Variants in GRK5 observed in about 807,000 individuals in gnomAD.
The protein encoded by GRK5 is G protein-coupled receptor kinase 5.
Under a neutral mutation model 78.4 loss-of-function variants are expected in GRK5, and 40 were observed. The ratio of observed to expected loss-of-function variants is 0.51; its 90% confidence interval spans 0.40 to 0.66. GRK5 has a LOEUF of 0.66. GRK5 is among the 30% of genes least tolerant of loss of function. The pLI is 0.00. For missense variants in GRK5, 598 were observed against 759.9 expected, an observed-to-expected ratio of 0.79 and a Z score of 2.50; for synonymous variants, 289 against 296.8, an observed-to-expected ratio of 0.97 and a Z score of 0.27.
chr10:119,249,140 G>C (rs547253018), intron 1 of GRK5, among the ~76,000 whole-genome samples: 1 of 152,006 alleles, frequency 6.6e-6, no homozygotes, highest in Non-Finnish European at 1.5e-5. Context: ...GCATGGTGGC[G>C]GGTGCCTGTA....
At chr10:119,440,789 G>T (rs1853017079) in intron 10 of GRK5, among the ~76,000 whole-genome samples, 4 of 152,184 alleles carry the variant, frequency 2.6e-5, no homozygotes, top group African/African-American at 4.8e-5. Flanking sequence ...GACCTCAAGT[G>T]ATCTGCCCTC....
In GRK5 at chr10:119,300,344, A is replaced by G. The variant is rs187892233; in HGVS notation, c.53-26172A>G. Among the ~76,000 whole-genome samples, 656 of 152,328 alleles carry G rather than the reference A, an allele frequency of 4.3e-3. 2 individuals are homozygous for G. The highest frequency in any genetic ancestry group is 7.9e-3 in the Non-Finnish European group (537 of 68,032). Reference sequence around the variant, plus strand: ...TGTTACCTTCTAAAGGACTAGCCACAACGTTTGACCCTCAATCTAAGGTCA... The same window carrying G: ...TGTTACCTTCTAAAGGACTAGCCACGACGTTTGACCCTCAATCTAAGGTCA... On this transcript the variant is annotated intron_variant, in intron 1 of 15. Coordinates refer to ENST00000392870, the MANE Select transcript of GRK5 (RefSeq NM_005308.3).
In GRK5 at chr10:119,430,264, T is replaced by TG. The variant is rs1444741003; in HGVS notation, c.534-107dup. 1.5e-5 allele frequency: 14 copies of TG among 908,136 alleles called. No individual in the cohort carries two copies. The Admixed American group carries it at 1.7e-4, about 11-fold the overall frequency. The allele number at this position is 908,136 out of a possible 1,614,324, so 56.3% of individuals were successfully genotyped here. A position where few individuals can be genotyped will look rare whatever the true frequency, so the allele number is the denominator to read the frequency against. On this transcript the variant is annotated intron_variant, in intron 6 of 15. Coordinates refer to ENST00000392870, the MANE Select transcript of GRK5 (RefSeq NM_005308.3). The surrounding 1 kb of genome is among the most constrained non-coding windows in gnomAD (Gnocchi z 4.5). ...TCCTGGGGGGTCCCTGGGGCTGCTG[T>TG]GGGGCTCCTGGAATTATACCCCACC... is the stretch of plus-strand genomic sequence containing the variant.
intron 9 of GRK5, among the ~76,000 whole-genome samples, chr10:119,437,169 C>A (rs564408480): frequency 6.6e-5 from 10 of 152,240 alleles, no homozygotes; most frequent in Non-Finnish European, 1.3e-4. Context: ...GCCTCCATCC[C>A]AGCAGCCAGG....
intron 1 of GRK5, among the ~76,000 whole-genome samples, chr10:119,218,063 T>C (rs553888469): frequency 3.3e-5 from 5 of 150,260 alleles, no homozygotes; most frequent in South Asian, 2.1e-4. Context: ...TTAGAAACCA[T>C]GTCAACCCGT....
At chr10:119,429,722 G>A (rs951442431) in intron 6 of GRK5, among the ~76,000 whole-genome samples, 26 of 152,082 alleles carry the variant, frequency 1.7e-4, no homozygotes, top group African/African-American at 6.0e-4. Flanking sequence ...TCATCTATGT[G>A]GGAAATACAA....
Position 119,430,886 on chromosome 10 carries a change from G to A in GRK5, c.597+448G>A, listed in dbSNP as rs1422105485. 6.6e-6 allele frequency among the ~76,000 whole-genome samples: 1 copy of A among 152,206 alleles called. No homozygotes were observed. The highest frequency in any genetic ancestry group is 1.9e-4 in the East Asian group (1 of 5,194). On this transcript the variant is annotated intron_variant, in intron 7 of 15. Coordinates refer to ENST00000392870, the MANE Select transcript of GRK5 (RefSeq NM_005308.3). This position sits in a 1 kb window ranked among gnomAD's most constrained non-coding sequence, Gnocchi z 4.5. The stretch of plus-strand genomic sequence containing the variant: ...TATTCCCATTTTAGAGATGAGGAAA[G>A]CTGAGGTCCAGAATGGTTAGGTGAC...
At chr10:119,224,412 A>G (rs997788489) in intron 1 of GRK5, among the ~76,000 whole-genome samples, 22 of 151,492 alleles carry the variant, frequency 1.5e-4, no homozygotes, top group African/African-American at 4.1e-4. Context: ...TTATTTATTT[A>G]TTTATTTATT....
At chr10:119,246,666 T>C (rs1173733586) in intron 1 of GRK5, among the ~76,000 whole-genome samples, 1 of 152,216 alleles carries the variant, frequency 6.6e-6, no homozygotes, top group African/African-American at 2.4e-5. Flanking sequence ...CACAATGAGA[T>C]GGCCCAGTTC....
rs1168464265 is a variant in GRK5 at position 119,264,782 on chromosome 10, C to T, written c.52+56813C>T. 6.6e-6 allele frequency among the ~76,000 whole-genome samples: 1 copy of T among 152,222 alleles called. No homozygotes were observed. Among genetic ancestry groups the T allele is most frequent in the Non-Finnish European group, 1.5e-5 (1 of 68,024 alleles). Reference sequence around the variant, plus strand: ...GGACCCTGGGTGGACTAAAACCACACTTACCCACTACATGCCCTGCCCACT... The same window carrying T: ...GGACCCTGGGTGGACTAAAACCACATTTACCCACTACATGCCCTGCCCACT... On this transcript the variant is annotated intron_variant, in intron 1 of 15. Transcript: ENST00000392870. The surrounding 1 kb of genome is among the most constrained non-coding windows in gnomAD (Gnocchi z 4.1).
intron 4 of GRK5, among the ~76,000 whole-genome samples, chr10:119,410,680 A>G (rs1852322250): frequency 6.6e-6 from 1 of 152,104 alleles, no homozygotes; most frequent in South Asian, 2.1e-4. Context: ...ACCATCTGAA[A>G]GGGGTCTAGA....
At chr10:119,337,614 C>T (rs1419904091) in intron 2 of GRK5, among the ~76,000 whole-genome samples, 6 of 152,042 alleles carry the variant, frequency 3.9e-5, no homozygotes, top group African/African-American at 1.5e-4. Context: ...AAGTTTCCCC[C>T]CCACTTTTTT....
intron 2 of GRK5, among the ~76,000 whole-genome samples, chr10:119,374,329 C>G (rs951238929): frequency 8.5e-5 from 13 of 152,350 alleles, no homozygotes; most frequent in African/African-American, 2.9e-4. Flanking sequence ...GCCCAGTGCT[C>G]ATCCACTGTG....
In GRK5 at chr10:119,227,233, A is replaced by T. The variant is rs150886790; in HGVS notation, c.52+19264A>T. On this transcript the variant is annotated intron_variant, in intron 1 of 15. Coordinates refer to ENST00000392870, the MANE Select transcript of GRK5 (RefSeq NM_005308.3). ...AGACCAAATAAAAAATGTAAATAAGATGGGGAGTCCAGATGCAAACCCTAG... is the reference window on the plus strand; with the variant it reads ...AGACCAAATAAAAAATGTAAATAAGTTGGGGAGTCCAGATGCAAACCCTAG... 2.5e-3 allele frequency among the ~76,000 whole-genome samples: 382 copies of T among 152,206 alleles called. 3 individuals carry two copies. The highest frequency in any genetic ancestry group is 8.9e-3 in the African/African-American group (370 of 41,522).
chr10:119,209,971 T>C (rs1285595429), intron 1 of GRK5, among the ~76,000 whole-genome samples: 1 of 152,232 alleles, frequency 6.6e-6, no homozygotes. Context: ...CCAGTATTTT[T>C]TCACCAACGT....
Position 119,452,565 on chromosome 10 carries a change from T to A in GRK5, c.1405-106T>A. 1 of 1,329,792 alleles carries A rather than the reference T, an allele frequency of 7.5e-7. No homozygotes were observed. The highest frequency in any genetic ancestry group is 1.3e-5 in the South Asian group (1 of 74,894). 82.4% of individuals were successfully genotyped at this position (1,329,792 alleles called of 1,614,324 possible). On this transcript the variant is annotated intron_variant, in intron 13 of 15. Coordinates refer to ENST00000392870, the MANE Select transcript of GRK5 (RefSeq NM_005308.3). The surrounding 1 kb of genome is among the most constrained non-coding windows in gnomAD (Gnocchi z 4.4). ...ACTACCCATAGCAGTTCTGGGGGTG[T>A]GTCCTGGGAAGACTCCCTTCTGCTC...
In GRK5 at chr10:119,425,298, A is replaced by C. The variant is rs201812126; in HGVS notation, c.533+213A>C. Among the ~76,000 whole-genome samples the C allele has an allele frequency of 1.4e-4, 12 of 88,156 alleles. No homozygotes were observed. In the South Asian group the frequency reaches 1.9e-3, roughly 14 times the overall value. The allele number at this position is 88,156 out of a possible 152,430, so 57.8% of individuals were successfully genotyped here. On this transcript the variant is annotated intron_variant, in intron 6 of 15. Coordinates refer to ENST00000392870, the MANE Select transcript of GRK5 (RefSeq NM_005308.3). ...ACACACACACACACACACACACACA[A>C]ACACACATTCACGCAAATGTAAACA...
chr10:119,320,647 T>C (rs570301189), intron 1 of GRK5, among the ~76,000 whole-genome samples: 8 of 152,168 alleles, frequency 5.3e-5, no homozygotes, highest in African/African-American at 1.9e-4. Flanking sequence ...TTCGGAAAGG[T>C]AGGAAGAAGG....
chr10:119,396,978 C>A (rs1477349484), intron 4 of GRK5, among the ~76,000 whole-genome samples: 6 of 152,262 alleles, frequency 3.9e-5, no homozygotes, highest in Admixed American at 6.5e-5. Flanking sequence ...TAGGCCAGGA[C>A]TGGAGTAGGG....
Sources: gnomAD v4.1 joint callset for allele counts (sites outside exome capture counted in the v4.1 genomes callset) on GRCh38, gnomAD v4.1.1 for gene constraint, Gnocchi (gnomAD v3.1) non-coding constraint, MANE v1.5 for transcripts, NCBI Gene and HGNC (gene_info 2026-07-23, HGNC 2026-07-21) for gene names.